Variants in EML6 observed in about 807,000 individuals in gnomAD.
EML6 encodes the protein echinoderm microtubule-associated protein-like 6.
EML6 carries 154 observed loss-of-function variants against 240.1 expected under a neutral mutation model. The observed-to-expected ratio is 0.64, with a 90% CI of 0.56 to 0.73. The LOEUF is 0.73. Among genes scored for constraint, EML6 ranks in the 30% least tolerant of loss-of-function variants. The pLI is 0.00. For missense variants in EML6, 2,964 were observed against 2,474.6 expected (o/e 1.20, Z -4.20); for synonymous variants, 1,148 against 899.0 (o/e 1.28, Z -4.95).
intron 34 of EML6, among the ~76,000 whole-genome samples, chr2:54,959,897 A>G (rs867750041): frequency 6.6e-6 from 1 of 152,258 alleles, no homozygotes; most frequent in African/African-American, 2.4e-5. Context: ...GGGGAGATGC[A>G]GAAGCAAAGC....
intron 28 of EML6, among the ~76,000 whole-genome samples, chr2:54,937,087 C>G (rs2104428734): frequency 6.6e-6 from 1 of 151,270 alleles, no homozygotes; most frequent in Non-Finnish European, 1.5e-5. Flanking sequence ...CGAGACGTGC[C>G]TGACCAACGT....
chr2:54,870,963 G>T (rs371776918), intron 15 of EML6, among the ~76,000 whole-genome samples: 2 of 152,140 alleles, frequency 1.3e-5, no homozygotes, highest in Admixed American at 1.3e-4. Context: ...TTTCTTTGTT[G>T]TTGGGGATTA....
chr2:54,863,514 C>G (rs1206590952), intron 12 of EML6, among the ~76,000 whole-genome samples: 1 of 151,798 alleles, frequency 6.6e-6, no homozygotes, highest in Non-Finnish European at 1.5e-5. Flanking sequence ...GACCCTGTCT[C>G]AAAAAAAGTA....
Position 54,962,535 on chromosome 2 carries a change from G to C in EML6, c.4981G>C (p.Val1661Leu). 1 of 1,545,252 alleles carries C rather than the reference G, an allele frequency of 6.5e-7. No homozygotes were observed. The highest frequency in any genetic ancestry group is 8.7e-7 in the Non-Finnish European group (1 of 1,144,102). Residue 1661 changes from valine to leucine, a missense_variant, in exon 36 of 42, where the codon GTG (valine) becomes CTG (leucine). By Grantham distance (32) the Val-to-Leu change is conservative (BLOSUM62 1). Coordinates refer to ENST00000356458, the MANE Select transcript of EML6 (RefSeq NM_001039753.4). ...TCAATTACAACAGGGAAAAATCTTA[G>C]TGGGAACCAAAGACGGAGAAATAAT... ...SVCRGKGKIL[V>L]GTKDGEIIEV...
intron 26 of EML6, among the ~76,000 whole-genome samples, chr2:54,926,259 G>A (rs1429036205): frequency 2.0e-5 from 3 of 152,136 alleles, no homozygotes; most frequent in Non-Finnish European, 4.4e-5. Context: ...CCACCACCAT[G>A]CCCAGCTAAT....
chr2:54,918,151 C>A (rs1303905100), intron 26 of EML6, among the ~76,000 whole-genome samples: 1 of 152,156 alleles, frequency 6.6e-6, no homozygotes, highest in African/African-American at 2.4e-5. Flanking sequence ...TTATTTATTT[C>A]TTCTCAGTGT....
At chr2:54,880,625 G>A (rs570479054) in intron 17 of EML6, 4 of 152,170 alleles carry the variant, frequency 2.6e-5, no homozygotes, top group East Asian at 1.9e-4. Context: ...TTGAATTCTT[G>A]GCAACAAATG....
At position 54,823,850 on chromosome 2, in the gene EML6, T is replaced by TTCTCTCTCTCTCTCTCTCTC. The variant is rs147852134; in HGVS notation, c.525+3396_525+3415dup. Among the ~76,000 whole-genome samples the TTCTCTCTCTCTCTCTCTCTC allele has an allele frequency of 2.4e-3, 172 of 72,264 alleles. 3 individuals are homozygous for TTCTCTCTCTCTCTCTCTCTC. Among genetic ancestry groups the TTCTCTCTCTCTCTCTCTCTC allele is most frequent in the Middle Eastern group, 0.013 (2 of 158 alleles). The allele number at this position is 72,264 out of a possible 152,430, so 47.4% of individuals were successfully genotyped here. On this transcript the variant is annotated intron_variant, in intron 5 of 41. Coordinates refer to ENST00000356458, the MANE Select transcript of EML6 (RefSeq NM_001039753.4). ...GGCTGAATTAATATTCATTCATTCATTCTCTCTCTCTCTCTCTCTCTCTCT... is the reference window on the plus strand; with the variant it reads ...GGCTGAATTAATATTCATTCATTCATTCTCTCTCTCTCTCTCTCTCTCTCTCTCTCTCTCTCTCTCTCTCT...
intron 28 of EML6, among the ~76,000 whole-genome samples, chr2:54,947,869 C>A (rs1161458300): frequency 6.6e-6 from 1 of 152,162 alleles, no homozygotes; most frequent in Non-Finnish European, 1.5e-5. Context: ...TCTTTGCTGG[C>A]ATGCTGGGGA....
At chr2:54,877,056 C>T (rs145015246) in intron 16 of EML6, among the ~76,000 whole-genome samples, 8,018 of 151,738 alleles carry the variant, frequency 0.053, 303 homozygotes, top group Non-Finnish European at 0.069. Context: ...GATCATGGCT[C>T]ACTGCAGCCT....
At chr2:54,794,495 G>T (rs181139070) in intron 2 of EML6, among the ~76,000 whole-genome samples, 3 of 152,266 alleles carry the variant, frequency 2.0e-5, no homozygotes, top group Non-Finnish European at 4.4e-5. Context: ...ACAGGACGGG[G>T]AAGGGTCAAC....
chr2:54,964,549 G>A (rs1676665710), intron 37 of EML6, 22 bp from the exon 38 acceptor site: 4 of 1,551,602 alleles, frequency 2.6e-6, no homozygotes, highest in Middle Eastern at 3.3e-4. Flanking sequence ...CATGGACTCT[G>A]CTCTCGGATT....
At chr2:54,838,690 G>A (rs939281776) in intron 7 of EML6, among the ~76,000 whole-genome samples, 2 of 152,122 alleles carry the variant, frequency 1.3e-5, no homozygotes, top group African/African-American at 4.8e-5. Context: ...TTTGGTCTTG[G>A]CATAAGAGGA....
chr2:54,899,070 C>G (rs1394479552), intron 21 of EML6, among the ~76,000 whole-genome samples: 3 of 152,182 alleles, frequency 2.0e-5, no homozygotes, highest in African/African-American at 7.2e-5. Context: ...AGAACCTGGG[C>G]TACACCGAGG....
intron 7 of EML6, among the ~76,000 whole-genome samples, chr2:54,838,890 C>T (rs544172954): frequency 6.6e-6 from 1 of 152,184 alleles, no homozygotes; most frequent in African/African-American, 2.4e-5. Context: ...GTGTATTTCT[C>T]CAGGAAAGAG....
chr2:54,922,649 A>G (rs1674319832), intron 26 of EML6, among the ~76,000 whole-genome samples: 1 of 152,246 alleles, frequency 6.6e-6, no homozygotes. Context: ...TGAAGTATCT[A>G]TCAACAAATG....
chr2:54,878,958 T>C (rs1383299579), intron 16 of EML6, among the ~76,000 whole-genome samples: 1 of 152,250 alleles, frequency 6.6e-6, no homozygotes, highest in African/African-American at 2.4e-5. Context: ...CTAAATTTCC[T>C]ATAACAAGTA....
chr2:54,819,669 G>A (rs559876418), intron 4 of EML6, among the ~76,000 whole-genome samples: 1 of 151,732 alleles, frequency 6.6e-6, no homozygotes, highest in East Asian at 1.9e-4. Context: ...CCAGCTACTC[G>A]GGAGGCTGAG....
At chr2:54,845,854 T>G (rs998133836) in intron 8 of EML6, among the ~76,000 whole-genome samples, 1 of 152,200 alleles carries the variant, frequency 6.6e-6, no homozygotes, top group Non-Finnish European at 1.5e-5. Flanking sequence ...ATGTGACTTA[T>G]TCTTGTCTGT....
Sources: allele counts gnomAD v4.1 joint callset (sites outside exome capture counted in the v4.1 genomes callset), GRCh38; gene constraint gnomAD v4.1.1; transcripts MANE v1.5; gene names NCBI Gene and HGNC (gene_info 2026-07-23, HGNC 2026-07-21).